FKBP6: variants seen among roughly 807,000 people sequenced by gnomAD.
FKBP6 encodes inactive peptidyl-prolyl cis-trans isomerase FKBP6.
Under a neutral mutation model 41.7 loss-of-function variants are expected in FKBP6, and 29 were observed. That is an observed-to-expected ratio of 0.70 (90% CI 0.52 to 0.95). The LOEUF (loss-of-function observed/expected upper bound fraction) is 0.95. Among genes scored for constraint, FKBP6 ranks in the 40% least tolerant of loss-of-function variants. The pLI, the probability that FKBP6 is intolerant of heterozygous loss-of-function variation, is 0.00. For missense variants in FKBP6, 338 were observed against 408.7 expected (o/e 0.83, Z 1.49); for synonymous variants, 130 against 165.1 (o/e 0.79, Z 1.63).
intron 3 of FKBP6, chr7:73,329,848 A>G: frequency 1.9e-6 from 1 of 535,154 alleles, no homozygotes; most frequent in South Asian, 2.0e-5. Context: ...GAATCGGATG[A>G]GTGCCTGGGA....
At position 73,331,163 on chromosome 7, in the gene FKBP6, C is replaced by G. The variant is rs894561312; in HGVS notation, c.469-494C>G. Among the ~76,000 whole-genome samples the G allele has an allele frequency of 9.8e-5, 15 of 152,328 alleles. 1 individual carries two copies. The highest frequency in any genetic ancestry group is 3.6e-4 in the African/African-American group (15 of 41,590). On this transcript the variant is annotated intron_variant, in intron 4 of 8. Transcript: ENST00000252037. ...GACCAGAGAGGCTCTATGGGTGACT[C>G]TGAAGATGGCCAGGGCAGAGCATCA...
At chr7:73,337,915 GAC>G (rs1425814902) in intron 5 of FKBP6, among the ~76,000 whole-genome samples, 5 of 152,098 alleles carry the variant, frequency 3.3e-5, no homozygotes, top group Non-Finnish European at 7.4e-5. Context: ...GCCTATTCAG[GAC>G]ATATTTTGTA....
intron 8 of FKBP6, among the ~76,000 whole-genome samples, chr7:73,357,680 T>C (rs1318926278): frequency 6.6e-6 from 1 of 151,812 alleles, no homozygotes; most frequent in Non-Finnish European, 1.5e-5. Context: ...CTCCTTTGGT[T>C]GTATTGGGGT....
chr7:73,336,709 G>A (rs185639837), intron 5 of FKBP6: 1 of 456,464 alleles, frequency 2.2e-6, no homozygotes, highest in Admixed American at 2.4e-5. Context: ...CTGTGTGCAG[G>A]ACATGTCAAA....
At chr7:73,357,599 G>A (rs1384237858) in intron 8 of FKBP6, among the ~76,000 whole-genome samples, 3 of 152,054 alleles carry the variant, frequency 2.0e-5, no homozygotes, top group Non-Finnish European at 4.4e-5. Context: ...GTTGCCTGTG[G>A]TTCTGGAAGT....
In FKBP6 at chr7:73,341,267, G is replaced by C. The variant is rs782262436; in HGVS notation, c.784-6G>C. ...CTGTGCTTTTAAAGTTCTCTCCTTGGGACAGGCTTGTCTTCTCCTGACTGA... is the reference window on the plus strand; with the variant it reads ...CTGTGCTTTTAAAGTTCTCTCCTTGCGACAGGCTTGTCTTCTCCTGACTGA... On this transcript the variant is annotated splice_polypyrimidine_tract_variant and splice_region_variant and intron_variant, in intron 6 of 8. Transcript: ENST00000252037. The C allele has an allele frequency of 6.3e-7, 1 of 1,592,004 alleles. No individual in the cohort carries two copies. Among genetic ancestry groups the C allele is most frequent in the South Asian group, 1.1e-5 (1 of 90,654 alleles).
intron 5 of FKBP6, chr7:73,339,247 T>C (rs1013198003): frequency 2.0e-5 from 3 of 152,260 alleles, no homozygotes; most frequent in South Asian, 2.1e-4. Context: ...TGCTCCACTT[T>C]AGTTAATTTT....
chr7:73,340,170 T>A (rs1554549182), intron 5 of FKBP6, among the ~76,000 whole-genome samples: 1 of 152,278 alleles, frequency 6.6e-6, no homozygotes, highest in Non-Finnish European at 1.5e-5. Flanking sequence ...TTTTTGATGC[T>A]ATTGTAAATG....
At chr7:73,332,607 C>T (rs1050023308) in intron 5 of FKBP6, among the ~76,000 whole-genome samples, 50 of 151,854 alleles carry the variant, frequency 3.3e-4, no homozygotes, top group East Asian at 1.9e-4. Flanking sequence ...AGAGGACTCA[C>T]GGGATTGGGA....
chr7:73,339,612 C>CTTT (rs781918379), intron 5 of FKBP6, among the ~76,000 whole-genome samples: 9 of 129,042 alleles, frequency 7.0e-5, no homozygotes, highest in South Asian at 2.5e-4. Context: ...CCATGTGACT[C>CTTT]TTTTTTTTTT....
chr7:73,345,966 A>G (rs962041666), intron 8 of FKBP6, among the ~76,000 whole-genome samples: 2 of 152,116 alleles, frequency 1.3e-5, no homozygotes, highest in Non-Finnish European at 2.9e-5. Context: ...AAAGGGAGAA[A>G]TTAGATCACC....
In FKBP6 at chr7:73,343,534, C is replaced by T. The variant is rs556601044; in HGVS notation, c.*2+635C>T. ...AACACATTACTAAAGCAGACAAGAT[C>T]GCAGGGTGGGGATGGGCTGTGGCTC... On this transcript the variant is annotated intron_variant, in intron 8 of 8. Coordinates refer to ENST00000252037, the MANE Select transcript of FKBP6 (RefSeq NM_003602.5). Among the ~76,000 whole-genome samples, 9 of 152,162 alleles carry T rather than the reference C, an allele frequency of 5.9e-5. No individual in the cohort carries two copies. In the South Asian group the frequency reaches 8.3e-4, roughly 14 times the overall value.
At chr7:73,345,076 T>A (rs1440049997) in intron 8 of FKBP6, among the ~76,000 whole-genome samples, 1 of 152,070 alleles carries the variant, frequency 6.6e-6, no homozygotes, top group Non-Finnish European at 1.5e-5. Context: ...GCACGATTGG[T>A]GCTCAGGAAA....
intron 3 of FKBP6, 62 bp downstream of exon 3, chr7:73,329,511 C>A: frequency 9.6e-7 from 1 of 1,041,354 alleles, no homozygotes; most frequent in East Asian, 2.4e-5. Flanking sequence ...AGGCACGATG[C>A]CTCAGGCTGG....
rs1554549526 is a variant in FKBP6 at position 73,341,316 on chromosome 7, T to C, written c.827T>C (p.Leu276Pro). 2 of 1,613,898 alleles carry C rather than the reference T, an allele frequency of 1.2e-6. No homozygotes were observed. The highest frequency in any genetic ancestry group is 1.7e-6 in the Non-Finnish European group (2 of 1,179,748). The change falls in exon 7 of 9, where the codon CTA becomes CCA. Residue 276 changes from leucine (L) to proline (P), a missense_variant. By Grantham distance (98) the Leu-to-Pro change is moderately conservative. Around this residue, in one of 2 missense-constraint regions of FKBP6, gnomAD observed 239 missense variants for 250.1 expected, o/e 0.96. Coordinates refer to ENST00000252037, the MANE Select transcript of FKBP6 (RefSeq NM_003602.5). Reference sequence around the variant, plus strand: ...GAGTATCAAAAGGCCCGGGATTTTCTAGTTCGAGCCCAGAAGGAGCAACCC... The same window carrying C: ...GAGTATCAAAAGGCCCGGGATTTTCCAGTTCGAGCCCAGAAGGAGCAACCC... ...LTEYQKARDFLVRAQKEQPFN... is the reference protein window; with the variant it reads ...LTEYQKARDFPVRAQKEQPFN...
At chr7:73,338,329 C>T (rs940988176) in intron 5 of FKBP6, among the ~76,000 whole-genome samples, 1 of 152,164 alleles carries the variant, frequency 6.6e-6, no homozygotes, top group Non-Finnish European at 1.5e-5. Flanking sequence ...CCCGGACCCT[C>T]GTTCTTTTGT....
intron 8 of FKBP6, among the ~76,000 whole-genome samples, chr7:73,343,192 G>C (rs1187448586): frequency 3.3e-5 from 5 of 152,182 alleles, no homozygotes; most frequent in African/African-American, 1.2e-4. Context: ...GTCTCACTCT[G>C]TTGCCCAGGC....
In FKBP6 at chr7:73,328,572, C is replaced by T; in HGVS notation, c.58-3C>T. On this transcript the variant is annotated splice_polypyrimidine_tract_variant and splice_region_variant and intron_variant, in intron 1 of 8. Coordinates refer to ENST00000252037, the MANE Select transcript of FKBP6 (RefSeq NM_003602.5). ...CTGAGGCCTGGCTTTCATTCTCCAT[C>T]AGTCCCTGTACGAGCGGTTAAGTCA... 1.3e-6 allele frequency: 2 copies of T among 1,588,080 alleles called. No homozygotes were observed. The highest frequency in any genetic ancestry group is 1.7e-6 in the Non-Finnish European group (2 of 1,160,350).
chr7:73,352,238 A>G (rs2115967568), intron 8 of FKBP6, among the ~76,000 whole-genome samples: 1 of 152,346 alleles, frequency 6.6e-6, no homozygotes, highest in South Asian at 2.1e-4. Context: ...TGCTGGGATT[A>G]TAGGCATGAG....
Sources: allele counts gnomAD v4.1 joint callset (sites outside exome capture counted in the v4.1 genomes callset), GRCh38; gene constraint gnomAD v4.1.1; regional missense constraint gnomAD v4.1.1; transcripts MANE v1.5; gene names NCBI Gene and HGNC (gene_info 2026-07-23, HGNC 2026-07-21).